Variants in LPAR6 observed in about 807,000 individuals in gnomAD.
The protein encoded by LPAR6 is G-protein coupled purinergic receptor P2Y5.
In LPAR6, 17 loss-of-function variants were observed where a neutral mutation model predicts 22.0. That is an observed-to-expected ratio of 0.77 (90% CI 0.53 to 1.16). The LOEUF is 1.16. Among genes scored for constraint, LPAR6 ranks in the 50% most tolerant of loss-of-function variants. The probability of loss-of-function intolerance (pLI) is 0.00; values close to 1 mark genes in which losing one functional copy is unlikely to be tolerated. For synonymous variants in LPAR6, 136 were observed against 139.8 expected (o/e 0.97, Z 0.19); for missense variants, 384 against 406.9 (o/e 0.94, Z 0.48).
At chr13:48,436,673 C>T (rs1949187657) in intron 1 of LPAR6, among the ~76,000 whole-genome samples, 1 of 151,786 alleles carries the variant, frequency 6.6e-6, no homozygotes, top group South Asian at 2.1e-4. Flanking sequence ...GTGGCTCAGC[C>T]AGCATATGTA....
chr13:48,420,193 C>T (rs1371014247), intron 2 of LPAR6, among the ~76,000 whole-genome samples: 1 of 152,170 alleles, frequency 6.6e-6, no homozygotes, highest in African/African-American at 2.4e-5. Context: ...CCACCACAAA[C>T]AAGTCGGCTT....
At chr13:48,440,419 G>A (rs754898984) in intron 1 of LPAR6, among the ~76,000 whole-genome samples, 3 of 152,100 alleles carry the variant, frequency 2.0e-5, no homozygotes, top group African/African-American at 4.8e-5. Flanking sequence ...GTTGGGCCCT[G>A]TTAATTTTCA....
chr13:48,401,882 T>G (rs1334420219), intron 1 of LPAR6, among the ~76,000 whole-genome samples: 1 of 152,204 alleles, frequency 6.6e-6, no homozygotes, highest in Non-Finnish European at 1.5e-5. Flanking sequence ...ATTATATTCC[T>G]TAAGAATTCT....
At chr13:48,432,720 G>T (rs1200535344) in intron 1 of LPAR6, among the ~76,000 whole-genome samples, 1 of 151,786 alleles carries the variant, frequency 6.6e-6, no homozygotes, top group Admixed American at 6.6e-5. Context: ...TCAATTATTT[G>T]TCCTAACTAT....
At chr13:48,414,206 G>A (rs1301320421), upstream of LPAR6, among the ~76,000 whole-genome samples, 1 of 152,002 alleles carries the variant, frequency 6.6e-6, no homozygotes, top group Non-Finnish European at 1.5e-5. Flanking sequence ...AACTAGCCTA[G>A]GGCAATAGTG....
chr13:48,443,802 T>C lies in LPAR6; in HGVS notation c.-1474+751A>G, dbSNP rs534294025. 3.3e-5 allele frequency among the ~76,000 whole-genome samples: 5 copies of C among 152,338 alleles called. No homozygotes were observed. The East Asian group carries it at 7.7e-4, about 23-fold the overall frequency. Reference sequence around the variant, plus strand: ...ACCTGGCTATGTTTTATATTGCTTATATACATTTTTTTTTCTTTTGGAAAA... The same window carrying C: ...ACCTGGCTATGTTTTATATTGCTTACATACATTTTTTTTTCTTTTGGAAAA... On this transcript the variant is annotated intron_variant, in intron 1 of 6. Coordinates refer to the LPAR6 transcript ENST00000378434.
chr13:48,436,030 A>G (rs953054315), intron 1 of LPAR6, among the ~76,000 whole-genome samples: 1 of 152,194 alleles, frequency 6.6e-6, no homozygotes, highest in Admixed American at 6.5e-5. Context: ...AAATATAAAG[A>G]CACGAATATG....
At chr13:48,420,626 A>G (rs552356301) in intron 2 of LPAR6, among the ~76,000 whole-genome samples, 1 of 152,334 alleles carries the variant, frequency 6.6e-6, no homozygotes, top group African/African-American at 2.4e-5. Context: ...ATGATTGTCT[A>G]TTTAGAAAAC....
chr13:48,436,095 A>T (rs1189086037), intron 1 of LPAR6, among the ~76,000 whole-genome samples: 1 of 152,228 alleles, frequency 6.6e-6, no homozygotes, highest in Non-Finnish European at 1.5e-5. Context: ...TTAACTGAGG[A>T]TAATTTTAAG....
chr13:48,428,776 T>A (rs1372011909), upstream of LPAR6, among the ~76,000 whole-genome samples: 1 of 152,240 alleles, frequency 6.6e-6, no homozygotes, highest in African/African-American at 2.4e-5. Context: ...CCAAGTTTTA[T>A]ACAAAAGCAG....
upstream of LPAR6, among the ~76,000 whole-genome samples, chr13:48,414,175 C>T (rs1394078460): frequency 6.6e-6 from 1 of 151,900 alleles, no homozygotes; most frequent in African/African-American, 2.4e-5. Context: ...TGGCGAAACC[C>T]CATCTCTACC....
chr13:48,398,118 C>T (rs914082759), intron 1 of LPAR6, among the ~76,000 whole-genome samples: 4 of 152,062 alleles, frequency 2.6e-5, no homozygotes, highest in Admixed American at 2.0e-4. Flanking sequence ...AACAGCCATG[C>T]TAATATAATG....
chr13:48,420,024 C>T (rs1948981218), intron 2 of LPAR6, among the ~76,000 whole-genome samples: 2 of 152,122 alleles, frequency 1.3e-5, no homozygotes, highest in Non-Finnish European at 2.9e-5. Context: ...GAGAGTCCTC[C>T]TTAACTCATT....
upstream of LPAR6, among the ~76,000 whole-genome samples, chr13:48,430,911 A>G (rs1949123609): frequency 6.6e-6 from 1 of 152,152 alleles, no homozygotes; most frequent in African/African-American, 2.4e-5. Flanking sequence ...TGACAGCCCA[A>G]CTCTAACAAT....
chr13:48,402,719 A>G (rs198612), intron 1 of LPAR6, among the ~76,000 whole-genome samples: 32,576 of 151,920 alleles, frequency 0.21, 3,922 homozygotes, highest in South Asian at 0.27. Context: ...TTTTCTTTAA[A>G]TGCAGGTCCA....
rs561413332 is a variant in LPAR6 at position 48,396,547 on chromosome 13, G to C, written n.115-6735C>G. On this transcript the variant is annotated intron_variant and non_coding_transcript_variant, in intron 1 of 1. Transcript: ENST00000462781. Reference sequence around the variant, plus strand: ...AACACCTAAAACCATAAAAACCCTAGAAGAAAACCTAGGCAATACCATTCA... The same window carrying C: ...AACACCTAAAACCATAAAAACCCTACAAGAAAACCTAGGCAATACCATTCA... 1.8e-3 allele frequency among the ~76,000 whole-genome samples: 276 copies of C among 152,218 alleles called. 2 individuals are homozygous for C. Among genetic ancestry groups the C allele is most frequent in the African/African-American group, 6.4e-3 (267 of 41,512 alleles).
chr13:48,415,290 T>C (rs966469355), upstream of LPAR6, among the ~76,000 whole-genome samples: 7 of 151,940 alleles, frequency 4.6e-5, no homozygotes, highest in Admixed American at 4.6e-4. Flanking sequence ...TTTCTTTTTC[T>C]TTCTTTCTTT....
At chr13:48,426,588 C>G (rs1442630510) in intron 1 of LPAR6, 1 of 152,248 alleles carries the variant, frequency 6.6e-6, no homozygotes, top group Non-Finnish European at 1.5e-5. Context: ...ACCCCTGTTA[C>G]AACTAGCCAT....
intron 1 of LPAR6, among the ~76,000 whole-genome samples, chr13:48,398,541 A>G (rs1948665992): frequency 1.3e-5 from 2 of 151,604 alleles, no homozygotes; most frequent in South Asian, 4.1e-4. Flanking sequence ...TGTCTCTCAT[A>G]TTTATTATAT....
Sources: allele counts gnomAD v4.1 joint callset (sites outside exome capture counted in the v4.1 genomes callset), GRCh38; gene constraint gnomAD v4.1.1; transcripts MANE v1.5; gene names NCBI Gene and HGNC (gene_info 2026-07-23, HGNC 2026-07-21).